Variants in LRRC8C observed in about 807,000 individuals in gnomAD.
LRRC8C encodes leucine rich repeat containing 8 VRAC subunit C, also known as volume-regulated anion channel subunit LRRC8C.
Under a neutral mutation model 55.3 loss-of-function variants are expected in LRRC8C, and 20 were observed. The observed-to-expected ratio is 0.36, with a 90% confidence interval of 0.25 to 0.53. LRRC8C has a LOEUF of 0.53. LRRC8C is among the 20% of genes least tolerant of loss of function. The pLI is 0.92. For missense variants in LRRC8C, 659 were observed against 951.4 expected, an observed-to-expected ratio of 0.69 and a Z score of 4.04; for synonymous variants, 376 against 360.7, an observed-to-expected ratio of 1.04 and a Z score of -0.48.
chr1:89,704,247 A>AT (rs1658410680), intron 2 of LRRC8C, among the ~76,000 whole-genome samples: 1 of 152,138 alleles, frequency 6.6e-6, no homozygotes, highest in African/African-American at 2.4e-5. Flanking sequence ...CTATGTCCTC[A>AT]TCTCTCTGTC....
chr1:89,656,727 T>C (rs1285357085), intron 1 of LRRC8C, among the ~76,000 whole-genome samples: 2 of 152,228 alleles, frequency 1.3e-5, no homozygotes, highest in African/African-American at 4.8e-5. Context: ...TTGGGGGTAC[T>C]GTTCGGCACT....
chr1:89,703,428 A>C (rs1183373260), intron 2 of LRRC8C, among the ~76,000 whole-genome samples: 1 of 152,132 alleles, frequency 6.6e-6, no homozygotes, highest in East Asian at 1.9e-4. Context: ...ATTAAGAGTT[A>C]TTAAGGTGTA....
At chr1:89,664,264 T>G (rs1431534402) in intron 1 of LRRC8C, among the ~76,000 whole-genome samples, 8 of 152,378 alleles carry the variant, frequency 5.3e-5, no homozygotes, top group African/African-American at 1.9e-4. Flanking sequence ...CTAGGGTTTT[T>G]ATGGTTTTAT....
At chr1:89,696,538 T>C (rs113871201) in intron 2 of LRRC8C, among the ~76,000 whole-genome samples, 4,820 of 152,248 alleles carry the variant, frequency 0.032, 98 homozygotes, top group Middle Eastern at 0.054. Flanking sequence ...TGATTTATTA[T>C]TGATTCTTCC....
chr1:89,712,586 G>A (rs1306862179), intron 2 of LRRC8C, 123 bp from the exon 3 acceptor site: 11 of 667,440 alleles, frequency 1.6e-5, no homozygotes, highest in African/African-American at 5.5e-5. Flanking sequence ...GGAATTGAAC[G>A]TTGTATTCTC....
At chr1:89,617,080 C>T in the LRRC8C span, among the ~76,000 whole-genome samples, 1 of 152,186 alleles carries the variant, frequency 6.6e-6, no homozygotes, top group African/African-American at 2.4e-5. Context: ...AGGGCCCTCC[C>T]TCTCCCATAC....
chr1:89,702,729 C>T (rs1658366905), intron 2 of LRRC8C, among the ~76,000 whole-genome samples: 1 of 151,792 alleles, frequency 6.6e-6, no homozygotes, highest in Admixed American at 6.6e-5. Context: ...TGCTACTGCA[C>T]TCCAGCCTGG....
In LRRC8C at chr1:89,715,028, C is replaced by T. The variant is rs74449391; in HGVS notation, c.*46C>T. The T allele has an allele frequency of 8.7e-4, 1,197 of 1,375,526 alleles. 19 individuals are homozygous for T. In the East Asian group the frequency reaches 0.027, roughly 30 times the overall value. The allele number at this position is 1,375,526 out of a possible 1,614,324, so 85.2% of individuals were successfully genotyped here. ...GACTGAAACACGCTTCTACCAAATA[C>T]AGTATAAATAATTAGGTAGTCTTAA... On this transcript the variant is annotated 3_prime_UTR_variant, in exon 3 of 3. Coordinates refer to ENST00000370454, the MANE Select transcript of LRRC8C (RefSeq NM_032270.5).
At chr1:89,672,635 G>A (rs1221765888) in intron 1 of LRRC8C, among the ~76,000 whole-genome samples, 2 of 152,100 alleles carry the variant, frequency 1.3e-5, no homozygotes, top group Non-Finnish European at 2.9e-5. Flanking sequence ...GATACATTAA[G>A]ATCCTAGAAC....
intron 1 of LRRC8C, among the ~76,000 whole-genome samples, chr1:89,639,899 A>G (rs1248260972): frequency 1.3e-5 from 2 of 152,244 alleles, no homozygotes; most frequent in African/African-American, 4.8e-5. Flanking sequence ...ATTAAGAGAC[A>G]TGTAAATATT....
chr1:89,664,498 T>A (rs1364552434), intron 1 of LRRC8C, among the ~76,000 whole-genome samples: 4 of 152,254 alleles, frequency 2.6e-5, no homozygotes, highest in Non-Finnish European at 5.9e-5. Flanking sequence ...TCCATTGGTC[T>A]ATATTTGTGT....
intron 1 of LRRC8C, among the ~76,000 whole-genome samples, chr1:89,645,958 C>T (rs1656600452): frequency 2.0e-5 from 3 of 150,310 alleles, no homozygotes; most frequent in South Asian, 2.1e-4. Context: ...GGAAGATGAT[C>T]AGATAGATAG....
In LRRC8C at chr1:89,714,427, G is replaced by C; in HGVS notation, c.1857G>C (p.Leu619=). The C allele has an allele frequency of 6.2e-7, 1 of 1,614,134 alleles. No homozygotes were observed. Among genetic ancestry groups the C allele is most frequent in the Non-Finnish European group, 8.5e-7 (1 of 1,180,018 alleles). The change falls in exon 3 of 3, where the codon CTG becomes CTC. Residue 619 remains leucine (L), a synonymous_variant. Coordinates refer to ENST00000370454, the MANE Select transcript of LRRC8C (RefSeq NM_032270.5). This position sits in a 1 kb window ranked among gnomAD's most constrained non-coding sequence, Gnocchi z 4.6. The part of the protein sequence containing the change: ...FSLLSLQELD[L]KENNLKSIEE... ...TACTCAGCCTCCAGGAATTGGACCT[G>C]AAGGAAAACAATCTGAAATCTATAG...
intron 1 of LRRC8C, among the ~76,000 whole-genome samples, chr1:89,664,779 G>A (rs998314790): frequency 6.6e-6 from 1 of 152,150 alleles, no homozygotes; most frequent in Admixed American, 6.5e-5. Context: ...CCATGAGCAT[G>A]GAATGTTTTT....
rs142933183 is a variant in LRRC8C, at chr1:89,713,626, G to A, written c.1056G>A (p.Glu352=). 83 of 1,613,996 alleles carry A rather than the reference G, an allele frequency of 5.1e-5. No homozygotes were observed. The highest frequency in any genetic ancestry group is 6.0e-5 in the Non-Finnish European group (71 of 1,180,028). Residue 352 remains glutamate, a synonymous_variant, in exon 3 of 3, where the codon GAG becomes GAA. Coordinates refer to ENST00000370454, the MANE Select transcript of LRRC8C (RefSeq NM_032270.5). This position sits in a 1 kb window ranked among gnomAD's most constrained non-coding sequence, Gnocchi z 5.2. ...GTTCTCTACGGGAATATTCCTTTGA[G>A]TATGTCCGTCAGGAGACTGGAATTG... is the stretch of plus-strand genomic sequence containing the variant. The part of the protein sequence containing the change: ...FYRSLREYSF[E]YVRQETGIDD...
Position 89,718,681 on chromosome 1 carries a change from A to C in LRRC8C, c.*3699A>C, listed in dbSNP as rs1333054592. On this transcript the variant is annotated 3_prime_UTR_variant, in exon 3 of 3. Transcript: ENST00000370454. Reference sequence around the variant, plus strand: ...AGCATACTTAGTAGTGAACAGATAAAGTCAATTTGAATATAATTCCACTTT... The same window carrying C: ...AGCATACTTAGTAGTGAACAGATAACGTCAATTTGAATATAATTCCACTTT... The C allele has an allele frequency of 6.6e-6, 1 of 152,124 alleles. No individual in the cohort carries two copies. Among genetic ancestry groups the C allele is most frequent in the Non-Finnish European group, 1.5e-5 (1 of 68,016 alleles). The allele number at this position is 152,124 out of a possible 1,614,324, so 9.4% of individuals were successfully genotyped here.
intron 2 of LRRC8C, among the ~76,000 whole-genome samples, chr1:89,691,620 A>G (rs989417267): frequency 6.6e-6 from 1 of 152,234 alleles, no homozygotes; most frequent in East Asian, 1.9e-4. Context: ...GTGAAAGTAG[A>G]TTAGTCCCAT....
chr1:89,616,213 A>C, the LRRC8C span, among the ~76,000 whole-genome samples: 1 of 152,182 alleles, frequency 6.6e-6, no homozygotes, highest in Non-Finnish European at 1.5e-5. Context: ...ACAAACAGAC[A>C]GTAATGCAGG....
intron 2 of LRRC8C, among the ~76,000 whole-genome samples, chr1:89,692,003 A>G (rs1371225731): frequency 1.3e-5 from 2 of 152,214 alleles, no homozygotes; most frequent in Admixed American, 1.3e-4. Context: ...CATGGTACAA[A>G]TTATCAAAGT....
Sources: allele counts gnomAD v4.1 joint callset (sites outside exome capture counted in the v4.1 genomes callset), GRCh38; gene constraint gnomAD v4.1.1; non-coding constraint Gnocchi (gnomAD v3.1); transcripts MANE v1.5; gene names NCBI Gene and HGNC (gene_info 2026-07-23, HGNC 2026-07-21).